Variants in ATP10A observed in about 807,000 individuals in gnomAD.
ATP10A encodes ATPase phospholipid transporting 10A (putative).
ATP10A carries 111 observed loss-of-function variants against 147.8 expected under a neutral mutation model. That is an observed-to-expected ratio of 0.75 (90% confidence interval 0.64 to 0.88). ATP10A has a LOEUF of 0.88. Among genes scored for constraint, ATP10A ranks in the 40% least tolerant of loss-of-function variants. ATP10A has a pLI of 0.00. For missense variants in ATP10A, 1,927 were observed against 1,959.0 expected, an observed-to-expected ratio of 0.98 and a Z score of 0.31; for synonymous variants, 875 against 841.6, an observed-to-expected ratio of 1.04 and a Z score of -0.69.
At chr15:25,776,397 T>A (rs8029176) in intron 2 of ATP10A, among the ~76,000 whole-genome samples, 118,077 of 152,170 alleles carry the variant, frequency 0.78, 45,904 homozygotes, top group Middle Eastern at 0.82. Flanking sequence ...CATCTATAAA[T>A]TGGTGTGATA....
chr15:25,808,080 T>A (rs1267319769), intron 1 of ATP10A, among the ~76,000 whole-genome samples: 2 of 152,240 alleles, frequency 1.3e-5, no homozygotes, highest in African/African-American at 2.4e-5. Flanking sequence ...GAGATTTAAC[T>A]CTTTGTTTTC....
At chr15:25,738,479 A>G (rs1427619668) in intron 2 of ATP10A, 1 of 152,252 alleles carries the variant, frequency 6.6e-6, no homozygotes, top group Non-Finnish European at 1.5e-5. Flanking sequence ...ACTCTGTGTT[A>G]TGCATATTTT....
intron 2 of ATP10A, 75 bp downstream of exon 2, chr15:25,780,944 G>C: frequency 7.5e-6 from 11 of 1,475,896 alleles, no homozygotes; most frequent in Non-Finnish European, 1.0e-5. Flanking sequence ...CAGGTGCTCT[G>C]AGCCCCAGAA....
At chr15:25,754,349 T>A (rs1888309285) in intron 2 of ATP10A, among the ~76,000 whole-genome samples, 2 of 152,190 alleles carry the variant, frequency 1.3e-5, no homozygotes, top group African/African-American at 4.8e-5. Context: ...TTGGCCAGGA[T>A]GGTCTCGATT....
chr15:25,843,005 C>A (rs577522543), intron 1 of ATP10A, among the ~76,000 whole-genome samples: 140 of 152,304 alleles, frequency 9.2e-4, no homozygotes, highest in Non-Finnish European at 1.5e-3. Context: ...AGGCACAAGC[C>A]ATGGTGCCTG....
chr15:25,834,591 TGCTCCA>T (rs1426194022), intron 1 of ATP10A, among the ~76,000 whole-genome samples: 1 of 152,172 alleles, frequency 6.6e-6, no homozygotes, highest in East Asian at 1.9e-4. Context: ...GGGTATCGTG[TGCTCCA>T]GCAAGTCTCC....
At chr15:25,712,503 T>C (rs1325125057) in intron 10 of ATP10A, among the ~76,000 whole-genome samples, 2 of 150,890 alleles carry the variant, frequency 1.3e-5, no homozygotes, top group Non-Finnish European at 2.9e-5. Context: ...ACCCCTTATG[T>C]TGTCTTGAAC....
At chr15:25,843,119 G>A (rs1275062004) in intron 1 of ATP10A, among the ~76,000 whole-genome samples, 1 of 152,106 alleles carries the variant, frequency 6.6e-6, no homozygotes, top group Non-Finnish European at 1.5e-5. Flanking sequence ...CAGTTGGCAC[G>A]AAATTAAGCT....
chr15:25,681,100 G>A, intron 17 of ATP10A, 26 bp from the exon 18 acceptor site: 4 of 1,603,420 alleles, frequency 2.5e-6, no homozygotes, highest in South Asian at 1.1e-5. Context: ...AATCAGTGAT[G>A]TTACAGTGAA....
upstream of ATP10A, among the ~76,000 whole-genome samples, chr15:25,864,281 C>A (rs2140934417): frequency 6.6e-6 from 1 of 152,314 alleles, no homozygotes; most frequent in Non-Finnish European, 1.5e-5. Context: ...TCCCCCACGT[C>A]CGCAGTGAGA....
chr15:25,695,493 G>C (rs549437263), intron 13 of ATP10A, among the ~76,000 whole-genome samples: 37 of 152,274 alleles, frequency 2.4e-4, no homozygotes, highest in African/African-American at 8.7e-4. Flanking sequence ...GCCAGGCGTG[G>C]TGGTGGGTGC....
intron 1 of ATP10A, among the ~76,000 whole-genome samples, chr15:25,819,875 T>G (rs554563371): frequency 2.0e-5 from 3 of 152,030 alleles, no homozygotes; most frequent in African/African-American, 7.2e-5. Context: ...CTAAATAACA[T>G]GAACACAAGG....
At chr15:25,852,435 G>A (rs1485516925) in intron 1 of ATP10A, among the ~76,000 whole-genome samples, 2 of 152,122 alleles carry the variant, frequency 1.3e-5, no homozygotes, top group Non-Finnish European at 2.9e-5. Flanking sequence ...TTGGGGCTCA[G>A]GAACCAATAT....
Position 25,679,172 on chromosome 15 carries a change from C to G in ATP10A, c.*169G>C, listed in dbSNP as rs1899219977. ...CTCTTCTTTTTCTTTTCAATATACTCTACTTAGAATTTTAAAAAATAAACT... is the reference window on the plus strand; with the variant it reads ...CTCTTCTTTTTCTTTTCAATATACTGTACTTAGAATTTTAAAAAATAAACT... On this transcript the variant is annotated 3_prime_UTR_variant, in exon 21 of 21. Coordinates refer to ENST00000555815, the MANE Select transcript of ATP10A (RefSeq NM_024490.4). 4.7e-6 allele frequency: 2 copies of G among 429,092 alleles called. No homozygotes were observed. The highest frequency in any genetic ancestry group is 3.6e-6 in the Non-Finnish European group (1 of 278,520). 26.6% of individuals were successfully genotyped at this position (429,092 alleles called of 1,614,324 possible).
intron 1 of ATP10A, among the ~76,000 whole-genome samples, chr15:25,840,763 C>A (rs138407867): frequency 1.3e-5 from 2 of 152,130 alleles, no homozygotes; most frequent in African/African-American, 4.8e-5. Flanking sequence ...TACATTCCCA[C>A]AGCAACGTAG....
intron 3 of ATP10A, among the ~76,000 whole-genome samples, chr15:25,730,719 C>G (rs906522271): frequency 6.6e-6 from 1 of 152,022 alleles, no homozygotes; most frequent in Non-Finnish European, 1.5e-5. Flanking sequence ...ATTGGCAAAT[C>G]CTGGGCAGAA....
Position 25,679,111 on chromosome 15 carries a change from G to A in ATP10A, c.*230C>T, listed in dbSNP as rs529960150. The A allele has an allele frequency of 4.0e-6, 1 of 247,144 alleles. No individual in the cohort carries two copies. The highest frequency in any genetic ancestry group is 7.9e-5 in the East Asian group (1 of 12,616). The allele number at this position is 247,144 out of a possible 1,614,324, so 15.3% of individuals were successfully genotyped here. A position where few individuals can be genotyped will look rare whatever the true frequency, so the allele number is the denominator to read the frequency against. ...AAATAAATCTAAACACACTTTTCAA[G>A]TGTTACTCTTCTTTAAACTTTTATA... On this transcript the variant is annotated 3_prime_UTR_variant, in exon 21 of 21. Transcript: ENST00000555815.
chr15:25,750,810 G>C (rs1417666241), intron 2 of ATP10A, among the ~76,000 whole-genome samples: 2 of 151,928 alleles, frequency 1.3e-5, no homozygotes, highest in African/African-American at 4.8e-5. Flanking sequence ...TATGTGAACT[G>C]AAATAATATC....
intron 9 of ATP10A, among the ~76,000 whole-genome samples, chr15:25,715,036 C>G (rs1187018711): frequency 4.6e-5 from 7 of 151,712 alleles, no homozygotes; most frequent in Non-Finnish European, 1.0e-4. Context: ...AATGATAGGG[C>G]AACAGAGCCA....
Sources: gnomAD v4.1 joint callset for allele counts (sites outside exome capture counted in the v4.1 genomes callset) on GRCh38, gnomAD v4.1.1 for gene constraint, MANE v1.5 for transcripts, NCBI Gene and HGNC (gene_info 2026-07-23, HGNC 2026-07-21) for gene names.